Variants in PLSCR2 observed in about 807,000 individuals in gnomAD.
PLSCR2 encodes phospholipid scramblase 2.
PLSCR2 carries 18 observed loss-of-function variants against 25.3 expected under a neutral mutation model. The observed-to-expected ratio is 0.71, with a 90% CI of 0.49 to 1.06. The LOEUF is 1.06. Among genes scored for constraint, PLSCR2 ranks in the 50% least tolerant of loss-of-function variants. The pLI, the probability that PLSCR2 is intolerant of heterozygous loss-of-function variation, is 0.00. For missense variants in PLSCR2, 243 were observed against 269.5 expected (o/e 0.90, Z 0.69); for synonymous variants, 88 against 87.3 (o/e 1.01, Z -0.04).
At chr3:146,479,222 G>T (rs770563224) in intron 1 of PLSCR2, among the ~76,000 whole-genome samples, 20 of 152,086 alleles carry the variant, frequency 1.3e-4, no homozygotes, top group Non-Finnish European at 2.8e-4. Flanking sequence ...ATCACGACAG[G>T]ATCAAATTCA....
downstream of PLSCR2, among the ~76,000 whole-genome samples, chr3:146,428,718 T>C (rs913990030): frequency 7.2e-5 from 11 of 152,218 alleles, no homozygotes; most frequent in African/African-American, 1.9e-4. Flanking sequence ...AAACAGTCTC[T>C]AGCCCAGATG....
At chr3:146,477,051 T>C (rs512845) in intron 1 of PLSCR2, among the ~76,000 whole-genome samples, 33,041 of 152,152 alleles carry the variant, frequency 0.22, 3,789 homozygotes, top group South Asian at 0.34. Context: ...GCCTCCCAGC[T>C]GGGTGAGAAC....
At chr3:146,416,382 CTTAATG>C (rs1398306452) in intron 2 of PLSCR2, 4 of 151,942 alleles carry the variant, frequency 2.6e-5, no homozygotes, top group Admixed American at 6.6e-5. Context: ...ATATAAAAAT[CTTAATG>C]TTAAAGTCAC....
In PLSCR2 at chr3:146,409,745, TGGGA is replaced by T. The variant is rs762460487; in HGVS notation, c.101-13828_101-13825del. Among the ~76,000 whole-genome samples the T allele has an allele frequency of 2.6e-5, 4 of 152,252 alleles. No homozygotes were observed. In the East Asian group the frequency reaches 5.8e-4, roughly 22 times the overall value. On this transcript the variant is annotated intron_variant and NMD_transcript_variant, in intron 2 of 3. Transcript: ENST00000463633. Reference sequence around the variant, plus strand: ...GAGAGGGCTCCAACTCTTACAAGGCTGGGAGGAAGTGTTTCCTATTTTTATTATT... The same window carrying T: ...GAGAGGGCTCCAACTCTTACAAGGCTGGAAGTGTTTCCTATTTTTATTATT...
intron 2 of PLSCR2, among the ~76,000 whole-genome samples, chr3:146,422,853 A>G (rs1050807734): frequency 5.3e-5 from 8 of 152,050 alleles, no homozygotes; most frequent in Non-Finnish European, 2.9e-5. Context: ...CCAAACATTA[A>G]CTCCCAAAAC....
intron 2 of PLSCR2, among the ~76,000 whole-genome samples, chr3:146,399,184 T>C (rs533201213): frequency 2.0e-5 from 3 of 151,890 alleles, no homozygotes; most frequent in Non-Finnish European, 4.4e-5. Context: ...TTTAATCTCA[T>C]CCAAAACTGC....
chr3:146,451,369 C>T (rs2108328210), intron 5 of PLSCR2, among the ~76,000 whole-genome samples: 1 of 152,214 alleles, frequency 6.6e-6, no homozygotes, highest in Non-Finnish European at 1.5e-5. Context: ...CCCGCCTCGG[C>T]CTCCCAAAGT....
downstream of PLSCR2, among the ~76,000 whole-genome samples, chr3:146,441,166 T>A (rs1402298165): frequency 2.0e-5 from 3 of 152,092 alleles, no homozygotes; most frequent in Non-Finnish European, 4.4e-5. Flanking sequence ...GTAAATATAG[T>A]GTGCTTTTCT....
chr3:146,489,912 A>G (rs1209593572), intron 1 of PLSCR2, among the ~76,000 whole-genome samples: 2 of 152,028 alleles, frequency 1.3e-5, no homozygotes, highest in Non-Finnish European at 1.5e-5. Context: ...TCTCTCTACT[A>G]TATTTCTCCC....
intron 3 of PLSCR2, among the ~76,000 whole-genome samples, chr3:146,393,025 T>C (rs1175063116): frequency 7.3e-6 from 1 of 136,814 alleles, no homozygotes; most frequent in Admixed American, 8.3e-5. Flanking sequence ...TTATTTACAT[T>C]CCTTTTTTTT....
chr3:146,434,314 T>G (rs978449867), intron 8 of PLSCR2, among the ~76,000 whole-genome samples: 1 of 152,156 alleles, frequency 6.6e-6, no homozygotes, highest in Non-Finnish European at 1.5e-5. Flanking sequence ...GAAGGATAAT[T>G]TGAACAGGTA....
intron 2 of PLSCR2, among the ~76,000 whole-genome samples, chr3:146,422,579 T>C (rs2039188514): frequency 6.6e-6 from 1 of 152,024 alleles, no homozygotes; most frequent in African/African-American, 2.4e-5. Context: ...TTATACATGG[T>C]TCCACTTAGC....
chr3:146,426,190 C>CTT (rs1426618477), intron 2 of PLSCR2, among the ~76,000 whole-genome samples: 2 of 148,304 alleles, frequency 1.3e-5, no homozygotes. Context: ...TTCCTCCCTC[C>CTT]CTCCTTCCCT....
chr3:146,438,436 T>C (rs535786965), downstream of PLSCR2, among the ~76,000 whole-genome samples: 18 of 152,324 alleles, frequency 1.2e-4, no homozygotes, highest in African/African-American at 4.3e-4. Context: ...TCTAAGGACT[T>C]GCTTTATGAA....
At chr3:146,491,994 T>C (rs1316151832) in intron 1 of PLSCR2, among the ~76,000 whole-genome samples, 1 of 152,168 alleles carries the variant, frequency 6.6e-6, no homozygotes, top group African/African-American at 2.4e-5. Context: ...TGCTGTCCTT[T>C]GGATGGGTCT....
intron 2 of PLSCR2, among the ~76,000 whole-genome samples, chr3:146,400,178 A>C (rs116399685): frequency 0.041 from 6,179 of 151,874 alleles, 172 homozygotes; most frequent in Admixed American, 0.085. Context: ...AAGCATACAG[A>C]TGACAAAGGA....
At chr3:146,441,244 C>A (rs1378830251), downstream of PLSCR2, among the ~76,000 whole-genome samples, 1 of 152,020 alleles carries the variant, frequency 6.6e-6, no homozygotes, top group East Asian at 1.9e-4. Context: ...AAAAAAATCA[C>A]ATTTACTTTT....
intron 2 of PLSCR2, among the ~76,000 whole-genome samples, chr3:146,407,475 T>C (rs2038693760): frequency 6.6e-6 from 1 of 152,214 alleles, no homozygotes; most frequent in Non-Finnish European, 1.5e-5. Context: ...TCTGGCAAGT[T>C]TTCTCGGAGA....
intron 5 of PLSCR2, 21 bp from the exon 6 acceptor site, chr3:146,449,388 AAACTT>A: frequency 4.5e-6 from 7 of 1,539,914 alleles, no homozygotes; most frequent in Non-Finnish European, 6.1e-6. Context: ...AAAAAAAAAA[AAACTT>A]AAAAATTTCT....
Sources: allele counts gnomAD v4.1 joint callset (sites outside exome capture counted in the v4.1 genomes callset), GRCh38; gene constraint gnomAD v4.1.1; transcripts MANE v1.5; gene names NCBI Gene and HGNC (gene_info 2026-07-23, HGNC 2026-07-21).